The following FRMPD2 variants were observed in gnomAD, a reference collection of about 807,000 sequenced individuals.
FRMPD2 encodes the protein FERM and PDZ domain containing 2, also known as FERM and PDZ domain-containing protein 2.
Under a neutral mutation model 140.1 loss-of-function variants are expected in FRMPD2, and 96 were observed. That is an observed-to-expected ratio of 0.69 (90% CI 0.58 to 0.81). The LOEUF (loss-of-function observed/expected upper bound fraction) is 0.81. Ranked by LOEUF, FRMPD2 falls within the 40% of genes least tolerant of loss-of-function variation. The pLI is 0.00. For missense variants in FRMPD2, 1,240 were observed against 1,447.4 expected, an observed-to-expected ratio of 0.86 and a Z score of 2.32; for synonymous variants, 449 against 547.6, an observed-to-expected ratio of 0.82 and a Z score of 2.52.
intron 3 of FRMPD2, among the ~76,000 whole-genome samples, chr10:48,245,755 T>C (rs888284789): frequency 5.9e-5 from 9 of 152,192 alleles, no homozygotes; most frequent in Non-Finnish European, 1.0e-4. Context: ...TCAATCAATG[T>C]CAGTTGGTGT....
chr10:48,216,732 T>C (rs1839459689), intron 12 of FRMPD2, among the ~76,000 whole-genome samples: 1 of 152,196 alleles, frequency 6.6e-6, no homozygotes, highest in Non-Finnish European at 1.5e-5. Context: ...TGATGATTAT[T>C]TTCCATTTTG....
At position 48,274,628 on chromosome 10, in the gene FRMPD2, A is replaced by G; in HGVS notation, c.-61T>C. 1 of 1,543,120 alleles carries G rather than the reference A, an allele frequency of 6.5e-7. No individual in the cohort carries two copies. The highest frequency in any genetic ancestry group is 1.7e-4 in the Middle Eastern group (1 of 5,896). On this transcript the variant is annotated 5_prime_UTR_variant, in exon 1 of 29. Transcript: ENST00000374201. Reference sequence around the variant, plus strand: ...ATGGGACAACTTTCCAACAAGGAGCAGGGGTCTCTTGCAAGTCTGTCCGCG... The same window carrying G: ...ATGGGACAACTTTCCAACAAGGAGCGGGGGTCTCTTGCAAGTCTGTCCGCG...
chr10:48,178,306 C>T (rs1838461565), intron 21 of FRMPD2, among the ~76,000 whole-genome samples, 155 bp from the exon 22 acceptor site: 1 of 152,130 alleles, frequency 6.6e-6, no homozygotes, highest in African/African-American at 2.4e-5. Flanking sequence ...TTTATCAGGC[C>T]TTCTGCATGT....
chr10:48,190,647 T>C (rs1838808050), intron 16 of FRMPD2, among the ~76,000 whole-genome samples: 1 of 152,232 alleles, frequency 6.6e-6, no homozygotes, highest in African/African-American at 2.4e-5. Flanking sequence ...AGCCTAGTAA[T>C]TAGGTTTCCC....
chr10:48,257,486 G>A (rs957832289), intron 1 of FRMPD2, among the ~76,000 whole-genome samples: 2 of 151,954 alleles, frequency 1.3e-5, no homozygotes, highest in Non-Finnish European at 2.9e-5. Context: ...CGCCATGTTG[G>A]CCAGGCTAGT....
At chr10:48,212,228 C>G in intron 12 of FRMPD2, 119 bp from the exon 13 acceptor site, 1 of 929,900 alleles carries the variant, frequency 1.1e-6, no homozygotes, top group Admixed American at 2.3e-5. Context: ...AAGACACTTC[C>G]TCGAGGTGCC....
chr10:48,194,530 A>C (rs1451325566), intron 15 of FRMPD2, among the ~76,000 whole-genome samples: 2 of 152,184 alleles, frequency 1.3e-5, no homozygotes, highest in Non-Finnish European at 2.9e-5. Context: ...CGCAGCTCAG[A>C]AAGGTTTAGC....
At chr10:48,212,167 A>C in intron 12 of FRMPD2, 58 bp from the exon 13 acceptor site, 1 of 1,551,714 alleles carries the variant, frequency 6.4e-7, no homozygotes, top group African/African-American at 1.4e-5. Context: ...GGGGACTCTG[A>C]GAGGAATGAA....
At chr10:48,258,708 A>G (rs1269906719) in intron 1 of FRMPD2, among the ~76,000 whole-genome samples, 1 of 152,208 alleles carries the variant, frequency 6.6e-6, no homozygotes, top group Non-Finnish European at 1.5e-5. Flanking sequence ...CCCATCTTCA[A>G]TCTTTTACAT....
chr10:48,264,098 T>C (rs778527878), intron 1 of FRMPD2, among the ~76,000 whole-genome samples: 4 of 151,860 alleles, frequency 2.6e-5, no homozygotes, highest in African/African-American at 4.8e-5. Flanking sequence ...AAATCATGAT[T>C]AAAAACTCTC....
intron 1 of FRMPD2, among the ~76,000 whole-genome samples, chr10:48,263,589 T>C (rs1273585108): frequency 6.6e-6 from 1 of 151,976 alleles, no homozygotes; most frequent in Non-Finnish European, 1.5e-5. Flanking sequence ...CTATCAAAAC[T>C]CATACAAAGA....
rs560567269 is a variant in FRMPD2 at position 48,229,790 on chromosome 10, C to A, written c.1168+2325G>T. On this transcript the variant is annotated intron_variant, in intron 10 of 28. Coordinates refer to ENST00000374201, the MANE Select transcript of FRMPD2 (RefSeq NM_001018071.4). Reference sequence around the variant, plus strand: ...AACCATGGCCATTCTAAGTCCTTATCATCCATGGAATGTTATGGTGTTGGT... The same window carrying A: ...AACCATGGCCATTCTAAGTCCTTATAATCCATGGAATGTTATGGTGTTGGT... Among the ~76,000 whole-genome samples, 12 of 152,240 alleles carry A rather than the reference C, an allele frequency of 7.9e-5. No homozygotes were observed. The East Asian group carries it at 2.1e-3, about 27-fold the overall frequency.
At chr10:48,200,193 T>TAATAAAAAA (rs1554794421) in intron 15 of FRMPD2, among the ~76,000 whole-genome samples, 1 of 139,344 alleles carries the variant, frequency 7.2e-6, no homozygotes. Flanking sequence ...AATAAATAAA[T>TAATAAAAAA]AAATAAAACA....
chr10:48,200,266 C>T (rs1041113338), intron 15 of FRMPD2, among the ~76,000 whole-genome samples: 5 of 152,060 alleles, frequency 3.3e-5, no homozygotes, highest in Non-Finnish European at 7.4e-5. Flanking sequence ...TGAAGAACCA[C>T]CCTTCTGTTT....
chr10:48,258,637 G>A (rs1043913182), intron 1 of FRMPD2, among the ~76,000 whole-genome samples: 1 of 152,148 alleles, frequency 6.6e-6, no homozygotes, highest in Non-Finnish European at 1.5e-5. Flanking sequence ...TAGATGAGAG[G>A]ATGCACACTA....
intron 2 of FRMPD2, among the ~76,000 whole-genome samples, chr10:48,250,795 C>CTTTT (rs34856884): frequency 1.7e-5 from 2 of 117,106 alleles, no homozygotes; most frequent in Non-Finnish European, 3.4e-5. Context: ...GTAGGTCTGC[C>CTTTT]TTTTTTTTTT....
intron 1 of FRMPD2, among the ~76,000 whole-genome samples, chr10:48,259,984 T>C (rs1472702893): frequency 1.3e-5 from 2 of 152,062 alleles, no homozygotes; most frequent in Non-Finnish European, 2.9e-5. Context: ...ATAAGATGTA[T>C]AGATATAGAT....
intron 28 of FRMPD2, among the ~76,000 whole-genome samples, chr10:48,159,923 G>A (rs1348069845): frequency 6.6e-6 from 1 of 151,494 alleles, no homozygotes; most frequent in Non-Finnish European, 1.5e-5. Context: ...TTTCTATTGG[G>A]CCAGCATTTA....
intron 1 of FRMPD2, among the ~76,000 whole-genome samples, chr10:48,265,527 AC>A (rs1840663217): frequency 6.6e-6 from 1 of 152,168 alleles, no homozygotes; most frequent in Non-Finnish European, 1.5e-5. Context: ...TAAGAAAAAA[AC>A]AAACAACCCC....
Sources: gnomAD v4.1 joint callset for allele counts (sites outside exome capture counted in the v4.1 genomes callset) on GRCh38, gnomAD v4.1.1 for gene constraint, MANE v1.5 for transcripts, NCBI Gene and HGNC (gene_info 2026-07-23, HGNC 2026-07-21) for gene names.